The following RETN variants were observed in gnomAD, a reference collection of about 807,000 sequenced individuals.
The protein encoded by RETN is C/EBP-epsilon regulated myeloid-specific secreted cysteine-rich protein precursor 1.
RETN carries 5 observed loss-of-function variants against 6.1 expected under a neutral mutation model. The ratio of observed to expected loss-of-function variants is 0.82; its 90% CI spans 0.43 to 1.73. The LOEUF is 1.73. Among genes scored for constraint, RETN ranks in the 40% most tolerant of loss-of-function variants. RETN has a pLI of 0.02. For synonymous variants in RETN, 62 were observed against 59.2 expected (o/e 1.05, Z -0.22); for missense variants, 168 against 142.5 (o/e 1.18, Z -0.91).
At chr19:7,669,519 C>A in intron 2 of RETN, 75 bp downstream of exon 2, 3 of 1,054,554 alleles carry the variant, frequency 2.8e-6, no homozygotes, top group Non-Finnish European at 4.5e-6. Context: ...GACCTGACTC[C>A]AACCCAGCCC....
At chr19:7,669,219 G>A (rs2032448153) in intron 1 of RETN, 98 bp downstream of exon 1, 1 of 836,738 alleles carries the variant, frequency 1.2e-6, no homozygotes, top group Non-Finnish European at 2.0e-6. Flanking sequence ...GGGGACAGGG[G>A]TCCAGGTCCA....
Position 7,670,449 on chromosome 19 carries a change from A to G in RETN, c.*100A>G. ...AAACCTGGAGATGATGATGATGATG[A>G]TGATGATGATGATGGAGCGGATCTG... On this transcript the variant is annotated 3_prime_UTR_variant, in exon 4 of 4. Coordinates refer to ENST00000221515, the MANE Select transcript of RETN (RefSeq NM_020415.4). 3 of 1,255,280 alleles carry G rather than the reference A, an allele frequency of 2.4e-6. No individual in the cohort carries two copies. Among genetic ancestry groups the G allele is most frequent in the Non-Finnish European group, 3.3e-6 (3 of 913,922 alleles). The allele number at this position is 1,255,280 out of a possible 1,614,324, so 77.8% of individuals were successfully genotyped here. A position where few individuals can be genotyped will look rare whatever the true frequency, so the allele number is the denominator to read the frequency against.
chr19:7,669,754 G>A (rs2032461077), intron 2 of RETN, 67 bp from the exon 3 acceptor site: 2 of 1,424,726 alleles, frequency 1.4e-6, no homozygotes, highest in Admixed American at 3.5e-5. Context: ...AACAGGGCTA[G>A]GGGAGGATGG....
Position 7,669,863 on chromosome 19 carries a change from T to G in RETN, c.161T>G (p.Val54Gly). The change falls in exon 3 of 4, where the codon GTC becomes GGC. Residue 54 changes from valine to glycine, a missense_variant. Val to Gly is a moderately radical substitution (Grantham distance 109). Coordinates refer to ENST00000221515, the MANE Select transcript of RETN (RefSeq NM_020415.4). Reference sequence around the variant, plus strand: ...AGCATTGGCCTGGAGTGCCAGAGCGTCACCTCCAGGGGGGACCTGGCTACT... The same window carrying G: ...AGCATTGGCCTGGAGTGCCAGAGCGGCACCTCCAGGGGGGACCTGGCTACT... ...ISSIGLECQSVTSRGDLATCP... is the reference protein window; with the variant it reads ...ISSIGLECQSGTSRGDLATCP... 1 of 1,613,960 alleles carries G rather than the reference T, an allele frequency of 6.2e-7. No individual in the cohort carries two copies. Among genetic ancestry groups the G allele is most frequent in the Non-Finnish European group, 8.5e-7 (1 of 1,179,970 alleles).
rs2032446238 is a variant in RETN at position 7,669,138 on chromosome 19, C to G, written c.-11+17C>G. On this transcript the variant is annotated intron_variant, in intron 1 of 3. Transcript: ENST00000221515. ...ACCGAGAGGGTAAGTGACAGCTGCTCCTGCGCTTGCCATGGCACCAGCGGG... is the reference window on the plus strand; with the variant it reads ...ACCGAGAGGGTAAGTGACAGCTGCTGCTGCGCTTGCCATGGCACCAGCGGG... The G allele has an allele frequency of 3.3e-6, 2 of 601,296 alleles. No homozygotes were observed. The highest frequency in any genetic ancestry group is 6.0e-6 in the Non-Finnish European group (2 of 333,792). The allele number at this position is 601,296 out of a possible 1,614,324, so 37.2% of individuals were successfully genotyped here.
Position 7,669,396 on chromosome 19 carries a change from A to G in RETN, c.70A>G (p.Met24Val), listed in dbSNP as rs1046756130. The G allele has an allele frequency of 1.9e-6, 3 of 1,613,898 alleles. No individual in the cohort carries two copies. In the Middle Eastern group the frequency reaches 4.9e-4, roughly 266 times the overall value. The stretch of plus-strand genomic sequence containing the variant: ...GGTGTCTAGCAAGACCCTGTGCTCC[A>G]TGGAAGAAGCCATCAATGAGAGGAT... ...LLVSSKTLCSMEEAINERIQE... is the reference protein window; with the variant it reads ...LLVSSKTLCSVEEAINERIQE... Residue 24 changes from methionine to valine, a missense_variant, in exon 2 of 4, where the codon ATG becomes GTG. By Grantham distance (21) the Met-to-Val change is conservative. Transcript: ENST00000221515.
intron 1 of RETN, 33 bp downstream of exon 1, chr19:7,669,154 C>A: frequency 1.6e-6 from 1 of 625,282 alleles, no homozygotes; most frequent in Non-Finnish European, 2.9e-6. Flanking sequence ...CTTGCCATGG[C>A]ACCAGCGGGG....
At position 7,670,327 on chromosome 19, in the gene RETN, G is replaced by T; in HGVS notation, c.305G>T (p.Arg102Leu). 1 of 1,564,052 alleles carries T rather than the reference G, an allele frequency of 6.4e-7. No individual in the cohort carries two copies. The highest frequency in any genetic ancestry group is 8.6e-7 in the Non-Finnish European group (1 of 1,159,980). The part of the protein sequence containing the change: ...QCAGMDWTGA[R>L]CCRVQP The stretch of plus-strand genomic sequence containing the variant: ...GCGGGCATGGACTGGACCGGAGCGC[G>T]CTGCTGTCGTGTGCAGCCCTGAGGT... The change falls in exon 4 of 4, where the codon CGC becomes CTC. Residue 102 changes from arginine to leucine, a missense_variant. By Grantham distance (102) the Arg-to-Leu change is moderately radical (BLOSUM62 -2). Coordinates refer to ENST00000221515, the MANE Select transcript of RETN (RefSeq NM_020415.4).
chr19:7,670,114 C>A, intron 3 of RETN, 105 bp from the exon 4 acceptor site: 2 of 494,480 alleles, frequency 4.0e-6, no homozygotes, highest in Non-Finnish European at 7.4e-6. Context: ...CCGTCCCCGT[C>A]CCCACCCCCG....
At chr19:7,669,180 C>G in intron 1 of RETN, 59 bp downstream of exon 1, 1 of 684,862 alleles carries the variant, frequency 1.5e-6, no homozygotes, top group South Asian at 1.7e-5. Context: ...GGGGTCAAGG[C>G]TGAGCCTCCA....
At position 7,669,456 on chromosome 19, in the gene RETN, C is replaced by G; in HGVS notation, c.118+12C>G. The stretch of plus-strand genomic sequence containing the variant: ...CGCCGGCTCCCTAAGTGAGGACCCC[C>G]CACTTGGGCAAGCTCCCCAAGGGTC... On this transcript the variant is annotated intron_variant, in intron 2 of 3. Transcript: ENST00000221515. 1 of 1,583,562 alleles carries G rather than the reference C, an allele frequency of 6.3e-7. No homozygotes were observed. The highest frequency in any genetic ancestry group is 8.7e-7 in the Non-Finnish European group (1 of 1,152,212).
rs1014915080 is a variant in RETN, at chr19:7,669,717, A to G, written c.119-104A>G. On this transcript the variant is annotated intron_variant, in intron 2 of 3. Coordinates refer to ENST00000221515, the MANE Select transcript of RETN (RefSeq NM_020415.4). ...GGGTCCTGGAGGCCAGTGAGCTCCT[A>G]TGCCCACAGGGACCTAGCTCCAAAC... 13 of 1,012,358 alleles carry G rather than the reference A, an allele frequency of 1.3e-5. No individual in the cohort carries two copies. The Admixed American group carries it at 2.1e-4, about 17-fold the overall frequency. The allele number at this position is 1,012,358 out of a possible 1,614,324, so 62.7% of individuals were successfully genotyped here.
chr19:7,670,113 T>TCCCCC, intron 3 of RETN, 106 bp from the exon 4 acceptor site: 5 of 465,520 alleles, frequency 1.1e-5, no homozygotes, highest in South Asian at 5.9e-5. Context: ...GCCGTCCCCG[T>TCCCCC]CCCCACCCCC....
rs779854648 is a variant in RETN at position 7,669,871 on chromosome 19, A to AG, written c.175dup (p.Asp59GlyfsTer?). The AG allele has an allele frequency of 1.2e-6, 2 of 1,613,950 alleles. No individual in the cohort carries two copies. The highest frequency in any genetic ancestry group is 2.2e-5 in the South Asian group (2 of 91,076). ...CCTGGAGTGCCAGAGCGTCACCTCC[A>AG]GGGGGGACCTGGCTACTTGCCCCCG... On this transcript the variant is annotated frameshift_variant, in exon 3 of 4. Transcript: ENST00000221515. LOFTEE classifies it low-confidence loss of function (END_TRUNC).
At chr19:7,669,729 A>T (rs1000255803) in intron 2 of RETN, 92 bp from the exon 3 acceptor site, 1 of 1,135,840 alleles carries the variant, frequency 8.8e-7, no homozygotes, top group Admixed American at 1.9e-5. Flanking sequence ...GCCCACAGGG[A>T]CCTAGCTCCA....
rs772946179 is a variant in RETN at position 7,670,233 on chromosome 19, G to A, written c.211G>A (p.Gly71Ser). The A allele has an allele frequency of 6.3e-7, 1 of 1,578,322 alleles. No homozygotes were observed. Among genetic ancestry groups the A allele is most frequent in the South Asian group, 1.1e-5 (1 of 90,292 alleles). The change falls in exon 4 of 4, where the codon GGC (glycine) becomes AGC (serine). Residue 71 changes from glycine to serine, a missense_variant. By Grantham distance (56) the Gly-to-Ser change is moderately conservative. Coordinates refer to ENST00000221515, the MANE Select transcript of RETN (RefSeq NM_020415.4). ...CCGGGCTGCAGGCTTCGCCGTCACCGGCTGCACTTGTGGCTCCGCCTGTGG... is the reference window on the plus strand; with the variant it reads ...CCGGGCTGCAGGCTTCGCCGTCACCAGCTGCACTTGTGGCTCCGCCTGTGG... ...ATCPRGFAVT[G>S]CTCGSACGSW...
chr19:7,669,650 A>T (rs1447259127), intron 2 of RETN, among the ~76,000 whole-genome samples, 171 bp from the exon 3 acceptor site: 1 of 151,442 alleles, frequency 6.6e-6, no homozygotes, highest in Admixed American at 6.6e-5. Flanking sequence ...CCCCGCTCTC[A>T]CTCCAAACCT....
At position 7,670,261 on chromosome 19, in the gene RETN, C is replaced by G. The variant is rs1470365899; in HGVS notation, c.239C>G (p.Ser80Trp). 1 of 1,598,560 alleles carries G rather than the reference C, an allele frequency of 6.3e-7. No homozygotes were observed. Among genetic ancestry groups the G allele is most frequent in the Non-Finnish European group, 8.5e-7 (1 of 1,177,160 alleles). Residue 80 changes from serine (S) to tryptophan (W), a missense_variant, in exon 4 of 4, where the codon TCG becomes TGG. Ser to Trp is a radical substitution (Grantham distance 177). Coordinates refer to ENST00000221515, the MANE Select transcript of RETN (RefSeq NM_020415.4). ...TGCACTTGTGGCTCCGCCTGTGGCT[C>G]GTGGGATGTGCGCGCCGAGACCACA... The part of the protein sequence containing the change: ...TGCTCGSACG[S>W]WDVRAETTCH...
rs1453404652 is a variant in RETN at position 7,670,406 on chromosome 19, T to C, written c.*57T>C. The C allele has an allele frequency of 6.6e-7, 1 of 1,511,622 alleles. No homozygotes were observed. Among genetic ancestry groups the C allele is most frequent in the African/African-American group, 1.4e-5 (1 of 71,970 alleles). 93.6% of individuals were successfully genotyped at this position (1,511,622 alleles called of 1,614,324 possible). A position where few individuals can be genotyped will look rare whatever the true frequency, so the allele number is the denominator to read the frequency against. On this transcript the variant is annotated 3_prime_UTR_variant, in exon 4 of 4. Coordinates refer to ENST00000221515, the MANE Select transcript of RETN (RefSeq NM_020415.4). ...GAGGCGGCTCCAGGTCCGGAGGGGT[T>C]GCGGGGGAGCTGGAAATAAACCTGG...
Sources: allele counts gnomAD v4.1 joint callset (sites outside exome capture counted in the v4.1 genomes callset), GRCh38; gene constraint gnomAD v4.1.1; transcripts MANE v1.5; gene names NCBI Gene and HGNC (gene_info 2026-07-23, HGNC 2026-07-21).